Variants in CFAP77 observed in about 807,000 individuals in gnomAD.
The protein encoded by CFAP77 is cilia- and flagella-associated protein 77.
A neutral mutation model predicts 31.1 loss-of-function variants in CFAP77; 25 were observed. That is an observed-to-expected ratio of 0.80 (90% confidence interval 0.59 to 1.12). The LOEUF (loss-of-function observed/expected upper bound fraction) is 1.12, where lower values mean the gene tolerates loss of function less well. Ranked by LOEUF, CFAP77 falls within the 50% of genes most tolerant of loss-of-function variation. The pLI is 0.00. For synonymous variants in CFAP77, 151 were observed against 159.9 expected, an observed-to-expected ratio of 0.94 and a Z score of 0.42; for missense variants, 377 against 397.3, an observed-to-expected ratio of 0.95 and a Z score of 0.44.
At chr9:132,521,762 C>CTTTTTT (rs774087426) in intron 3 of CFAP77, among the ~76,000 whole-genome samples, 10 of 62,566 alleles carry the variant, frequency 1.6e-4, no homozygotes, top group African/African-American at 2.3e-4. Flanking sequence ...AATAGACTTG[C>CTTTTTT]TTTTTTTTTT....
chr9:132,477,896 G>A (rs1327583712), intron 1 of CFAP77, among the ~76,000 whole-genome samples: 2 of 152,184 alleles, frequency 1.3e-5, no homozygotes, highest in African/African-American at 4.8e-5. Flanking sequence ...TGGGGGCAGC[G>A]GGGCCCTGCC....
chr9:132,421,900 T>G (rs1382890331), intron 1 of CFAP77, among the ~76,000 whole-genome samples: 1 of 152,260 alleles, frequency 6.6e-6, no homozygotes, highest in East Asian at 1.9e-4. Context: ...ATGGCTTCTC[T>G]CCCATCCTTC....
At chr9:132,439,848 C>CAAAAA (rs1225152331) in intron 1 of CFAP77, among the ~76,000 whole-genome samples, 1 of 44,626 alleles carries the variant, frequency 2.2e-5, no homozygotes, top group African/African-American at 8.2e-5. Flanking sequence ...GACTCCGTCT[C>CAAAAA]AAAAAAAAAA....
intron 1 of CFAP77, among the ~76,000 whole-genome samples, chr9:132,461,294 C>T (rs544622720): frequency 1.9e-4 from 29 of 152,324 alleles, no homozygotes; most frequent in African/African-American, 6.7e-4. Flanking sequence ...ACGCATTGGA[C>T]GAGGTGTGTG....
intron 5 of CFAP77, among the ~76,000 whole-genome samples, chr9:132,550,519 C>CT (rs766424349): frequency 0.037 from 3,782 of 102,654 alleles, 91 homozygotes; most frequent in Non-Finnish European, 0.045. Flanking sequence ...TCCCTTGAAG[C>CT]TTTTTTTTTT....
At position 132,469,628 on chromosome 9, in the gene CFAP77, T is replaced by G. The variant is rs1039735667; in HGVS notation, c.196-29067T>G. On this transcript the variant is annotated intron_variant, in intron 1 of 5. Coordinates refer to ENST00000393216, the MANE Select transcript of CFAP77 (RefSeq NM_001282957.2). ...GCATCACTTATGGGCTTCAGCATTC[T>G]CTTTCAAAAAAAGTATTTCATTTGC... Among the ~76,000 whole-genome samples the G allele has an allele frequency of 3.9e-5, 6 of 152,250 alleles. No individual in the cohort carries two copies. In the South Asian group the frequency reaches 1.2e-3, roughly 32 times the overall value.
chr9:132,509,899 C>T (rs1852002581), intron 3 of CFAP77, among the ~76,000 whole-genome samples: 1 of 152,200 alleles, frequency 6.6e-6, no homozygotes. Context: ...AGACTGGCTG[C>T]TCCTGATCCA....
At chr9:132,468,790 C>T (rs528027963) in intron 1 of CFAP77, among the ~76,000 whole-genome samples, 27 of 105,014 alleles carry the variant, frequency 2.6e-4, no homozygotes, top group African/African-American at 8.0e-4. Flanking sequence ...CACACACACA[C>T]GCACACACAC....
intron 3 of CFAP77, among the ~76,000 whole-genome samples, chr9:132,508,570 T>C (rs1202012026): frequency 6.6e-6 from 1 of 152,080 alleles, no homozygotes; most frequent in Non-Finnish European, 1.5e-5. Context: ...TCTGAAGCCC[T>C]GGGATTAGGA....
intron 5 of CFAP77, among the ~76,000 whole-genome samples, chr9:132,560,985 G>A (rs1045749231): frequency 2.0e-5 from 3 of 152,182 alleles, no homozygotes; most frequent in Non-Finnish European, 4.4e-5. Context: ...AGAGAAATGA[G>A]AGCCAGTGGC....
chr9:132,566,607 T>G (rs1314053769), intron 5 of CFAP77, among the ~76,000 whole-genome samples: 1 of 152,126 alleles, frequency 6.6e-6, no homozygotes, highest in Admixed American at 6.5e-5. Flanking sequence ...TGGTTAGGGA[T>G]TTGGAGACTT....
chr9:132,476,514 G>A (rs1851348899), intron 1 of CFAP77, among the ~76,000 whole-genome samples: 1 of 152,146 alleles, frequency 6.6e-6, no homozygotes, highest in Admixed American at 6.5e-5. Flanking sequence ...TTGGTACTGG[G>A]ATGGTTCCCA....
chr9:132,557,399 G>T (rs79528347), intron 5 of CFAP77, among the ~76,000 whole-genome samples: 4,275 of 152,322 alleles, frequency 0.028, 79 homozygotes, highest in Middle Eastern at 0.088. Context: ...GCGCACCGAA[G>T]TCGGTCGACT....
At position 132,455,764 on chromosome 9, in the gene CFAP77, C is replaced by T. The variant is rs60847464; in HGVS notation, c.196-42931C>T. On this transcript the variant is annotated intron_variant, in intron 1 of 5. Transcript: ENST00000393216. This position sits in a 1 kb window ranked among gnomAD's most constrained non-coding sequence, Gnocchi z 4.1. Reference sequence around the variant, plus strand: ...CAAAACAAAAAAGCAAAACGAACCCCAAATGTCTCTCCACTCAGCTCCCAA... The same window carrying T: ...CAAAACAAAAAAGCAAAACGAACCCTAAATGTCTCTCCACTCAGCTCCCAA... Among the ~76,000 whole-genome samples the T allele has an allele frequency of 6.6e-6, 1 of 152,038 alleles. No homozygotes were observed. Among genetic ancestry groups the T allele is most frequent in the African/African-American group, 2.4e-5 (1 of 41,478 alleles).
intron 3 of CFAP77, among the ~76,000 whole-genome samples, chr9:132,521,525 A>G (rs1749944584): frequency 3.3e-5 from 5 of 152,174 alleles, no homozygotes; most frequent in Admixed American, 1.3e-4. Flanking sequence ...CGACTATTAT[A>G]AAGAACTTCA....
At chr9:132,489,546 C>T (rs962823872) in intron 1 of CFAP77, among the ~76,000 whole-genome samples, 7 of 152,172 alleles carry the variant, frequency 4.6e-5, no homozygotes, top group African/African-American at 1.2e-4. Context: ...ACATAGTAGG[C>T]GCTCAATAAA....
chr9:132,464,754 C>A (rs1851121051), intron 1 of CFAP77, among the ~76,000 whole-genome samples: 1 of 152,064 alleles, frequency 6.6e-6, no homozygotes, highest in African/African-American at 2.4e-5. Context: ...CTATTGTATC[C>A]AAGAGCATCA....
At chr9:132,464,071 C>CA (rs1248618764) in intron 1 of CFAP77, among the ~76,000 whole-genome samples, 16 of 152,212 alleles carry the variant, frequency 1.1e-4, no homozygotes, top group African/African-American at 3.9e-4. Flanking sequence ...TTACAGTGAA[C>CA]GTCTCCATAG....
chr9:132,412,259 A>T (rs1360882622), intron 1 of CFAP77, among the ~76,000 whole-genome samples: 1 of 152,250 alleles, frequency 6.6e-6, no homozygotes, highest in Non-Finnish European at 1.5e-5. Flanking sequence ...ATGCTGGAGC[A>T]GCAGGGACCC....
Sources: allele counts gnomAD v4.1 joint callset (sites outside exome capture counted in the v4.1 genomes callset), GRCh38; gene constraint gnomAD v4.1.1; non-coding constraint Gnocchi (gnomAD v3.1); transcripts MANE v1.5; gene names NCBI Gene and HGNC (gene_info 2026-07-23, HGNC 2026-07-21).